Variants in LYRM7 observed in about 807,000 individuals in gnomAD.
The protein encoded by LYRM7 is complex III assembly factor LYRM7.
Under a neutral mutation model 15.8 loss-of-function variants are expected in LYRM7, and 9 were observed. The ratio of observed to expected loss-of-function variants is 0.57; its 90% CI spans 0.34 to 0.99. The LOEUF (loss-of-function observed/expected upper bound fraction) is 0.99, where lower values mean the gene tolerates loss of function less well. Among genes scored for constraint, LYRM7 ranks in the 50% least tolerant of loss-of-function variants. The pLI, the probability that LYRM7 is intolerant of heterozygous loss-of-function variation, is 0.02. For synonymous variants in LYRM7, 39 were observed against 39.4 expected (o/e 0.99, Z 0.04); for missense variants, 115 against 119.1 (o/e 0.97, Z 0.16).
At chr5:131,172,927 C>T (rs1561541695) in intron 1 of LYRM7, among the ~76,000 whole-genome samples, 2 of 152,296 alleles carry the variant, frequency 1.3e-5, no homozygotes. Flanking sequence ...TGTGACCTGG[C>T]TTTCTGCATT....
At chr5:131,181,302 A>AAAATATATATAT (rs1554089865) in intron 2 of LYRM7, among the ~76,000 whole-genome samples, 1 of 8,774 alleles carries the variant, frequency 1.1e-4, no homozygotes, top group African/African-American at 2.2e-4. Context: ...AAAAAAAAAA[A>AAAATATATATAT]ATATATATAT....
intron 1 of LYRM7, among the ~76,000 whole-genome samples, chr5:131,172,435 T>C (rs1352171760): frequency 6.6e-6 from 1 of 151,990 alleles, no homozygotes; most frequent in Non-Finnish European, 1.5e-5. Context: ...AATAAATAAA[T>C]AATCTCTCAA....
chr5:131,192,042 C>T (rs981103457), intron 4 of LYRM7, among the ~76,000 whole-genome samples: 2,055 of 90,118 alleles, frequency 0.023, 39 homozygotes, highest in African/African-American at 0.13. Context: ...TACACACACA[C>T]ACACACACAC....
In LYRM7 at chr5:131,171,037, A is replaced by G; in HGVS notation, c.17A>G (p.Lys6Arg). 6.5e-7 allele frequency: 1 copy of G among 1,531,922 alleles called. No individual in the cohort carries two copies. The highest frequency in any genetic ancestry group is 8.7e-7 in the Non-Finnish European group (1 of 1,149,420). The allele number at this position is 1,531,922 out of a possible 1,614,324, so 94.9% of individuals were successfully genotyped here. The change falls in exon 1 of 5, where the codon AAG becomes AGG. Residue 6 changes from lysine to arginine, a missense_variant and splice_region_variant. Physicochemically the swap from Lys to Arg is conservative, Grantham distance 26. Coordinates refer to ENST00000379380, the MANE Select transcript of LYRM7 (RefSeq NM_181705.4). ...AGGAGAGCCATGGGACGGGCAGTCA[A>G]GGTGACAGGGCCCGGGAAGGGGTGG... MGRAV[K>R]VLQLFKTLHR...
In LYRM7 at chr5:131,174,548, A is replaced by G. The variant is rs548995744; in HGVS notation, c.18+3510A>G. 6.6e-5 allele frequency among the ~76,000 whole-genome samples: 10 copies of G among 152,294 alleles called. No homozygotes were observed. In the East Asian group the frequency reaches 1.5e-3, roughly 24 times the overall value. ...CACTGTCTATGGCAGCTATAGCCTT[A>G]TGAGTCTTTTAAATAAGACTTAGAA... On this transcript the variant is annotated intron_variant, in intron 1 of 4. Coordinates refer to ENST00000379380, the MANE Select transcript of LYRM7 (RefSeq NM_181705.4).
intron 2 of LYRM7, among the ~76,000 whole-genome samples, chr5:131,181,990 T>C (rs1185401008): frequency 1.3e-5 from 2 of 152,146 alleles, no homozygotes; most frequent in African/African-American, 4.8e-5. Context: ...TAAAAATCAG[T>C]GGAAGAAAAA....
At chr5:131,184,647 G>A (rs577008496) in intron 3 of LYRM7, among the ~76,000 whole-genome samples, 9 of 145,210 alleles carry the variant, frequency 6.2e-5, no homozygotes, top group Non-Finnish European at 1.2e-4. Context: ...TGGCGGGGGG[G>A]GGGTTCCAGG....
chr5:131,190,858 C>T (rs1327020738), intron 4 of LYRM7, among the ~76,000 whole-genome samples: 1 of 151,990 alleles, frequency 6.6e-6, no homozygotes, highest in Admixed American at 6.6e-5. Context: ...TAGTCATCAG[C>T]TTTTATCTTA....
chr5:131,194,928 G>A (rs951698711), intron 4 of LYRM7, among the ~76,000 whole-genome samples: 16 of 152,174 alleles, frequency 1.1e-4, no homozygotes, highest in African/African-American at 3.9e-4. Context: ...AAGACCAACA[G>A]TTAAAGCTTT....
chr5:131,176,302 T>G (rs10077597), intron 1 of LYRM7, among the ~76,000 whole-genome samples: 27,589 of 152,192 alleles, frequency 0.18, 6,347 homozygotes, highest in African/African-American at 0.54. Flanking sequence ...TTTTAGCAAC[T>G]GCCAAACTGT....
At chr5:131,172,038 C>T (rs1755530965) in intron 1 of LYRM7, among the ~76,000 whole-genome samples, 1 of 152,196 alleles carries the variant, frequency 6.6e-6, no homozygotes, top group Admixed American at 6.5e-5. Context: ...AGACCTTAAA[C>T]AGTTATTTAA....
In LYRM7 at chr5:131,178,054, C is replaced by T. The variant is rs116135742; in HGVS notation, c.19-2041C>T. On this transcript the variant is annotated intron_variant, in intron 1 of 4. Transcript: ENST00000379380. ...TTTCATTGATGTTATTCCATCTCTGCGATAACATGTTTCTGAGGAAGTTTT... is the reference window on the plus strand; with the variant it reads ...TTTCATTGATGTTATTCCATCTCTGTGATAACATGTTTCTGAGGAAGTTTT... Among the ~76,000 whole-genome samples the T allele has an allele frequency of 8.5e-3, 1,290 of 152,166 alleles. 16 individuals carry two copies. Among genetic ancestry groups the T allele is most frequent in the African/African-American group, 0.03 (1,240 of 41,498 alleles).
In LYRM7 at chr5:131,181,275, G is replaced by GAAAAAAAAAAA. The variant is rs1195878324; in HGVS notation, c.92-936_92-926dup. 2.4e-4 allele frequency among the ~76,000 whole-genome samples: 2 copies of GAAAAAAAAAAA among 8,342 alleles called. 1 individual carries two copies. The highest frequency in any genetic ancestry group is 5.5e-4 in the Non-Finnish European group (2 of 3,620). The allele number at this position is 8,342 out of a possible 152,430, so 5.5% of individuals were successfully genotyped here. On this transcript the variant is annotated intron_variant, in intron 2 of 4. Coordinates refer to ENST00000379380, the MANE Select transcript of LYRM7 (RefSeq NM_181705.4). ...TGGGCGACAAAGCAAGACTCCATCT[G>GAAAAAAAAAAA]AAAAAAAAAAAAAAAAAAAAAAAAA...
At chr5:131,174,650 A>G (rs1352187821) in intron 1 of LYRM7, among the ~76,000 whole-genome samples, 1 of 152,134 alleles carries the variant, frequency 6.6e-6, no homozygotes, top group Non-Finnish European at 1.5e-5. Context: ...GTTCAAGACC[A>G]GCCTGGGCAA....
intron 4 of LYRM7, among the ~76,000 whole-genome samples, chr5:131,195,349 GAAA>G (rs1195007692): frequency 6.6e-6 from 1 of 152,082 alleles, no homozygotes; most frequent in Non-Finnish European, 1.5e-5. Flanking sequence ...AGCAGAGATA[GAAA>G]AAAGTATTAC....
rs1756042100 is a variant in LYRM7, at chr5:131,200,410, A to C, written c.*809A>C. The stretch of plus-strand genomic sequence containing the variant: ...ACTTAAATGGCTTCTCTTCTTCCAC[A>C]TGTCCTGTCCTTGACAAGATGGGCA... On this transcript the variant is annotated 3_prime_UTR_variant, in exon 5 of 5. Coordinates refer to ENST00000379380, the MANE Select transcript of LYRM7 (RefSeq NM_181705.4). 1 of 152,332 alleles carries C rather than the reference A, an allele frequency of 6.6e-6. No individual in the cohort carries two copies. 9.4% of individuals were successfully genotyped at this position (152,332 alleles called of 1,614,324 possible). A position where few individuals can be genotyped will look rare whatever the true frequency, so the allele number is the denominator to read the frequency against.
chr5:131,192,416 G>A (rs1755901486), intron 4 of LYRM7, among the ~76,000 whole-genome samples: 1 of 152,082 alleles, frequency 6.6e-6, no homozygotes, highest in Non-Finnish European at 1.5e-5. Context: ...AGCTAGAAGA[G>A]CAAATTTTGA....
At chr5:131,194,382 T>C (rs987401939) in intron 4 of LYRM7, among the ~76,000 whole-genome samples, 2 of 152,224 alleles carry the variant, frequency 1.3e-5, no homozygotes, top group Non-Finnish European at 2.9e-5. Flanking sequence ...AAATAGTGGA[T>C]ATTTGACAGG....
intron 1 of LYRM7, among the ~76,000 whole-genome samples, chr5:131,173,053 ATGT>A (rs200750257): frequency 0.011 from 1,651 of 152,334 alleles, 19 homozygotes; most frequent in African/African-American, 0.037. Flanking sequence ...TGTTGTACTA[ATGT>A]TGTACTTTAA....
Sources: allele counts gnomAD v4.1 joint callset (sites outside exome capture counted in the v4.1 genomes callset), GRCh38; gene constraint gnomAD v4.1.1; transcripts MANE v1.5; gene names NCBI Gene and HGNC (gene_info 2026-07-23, HGNC 2026-07-21).